Variants in FYCO1 observed in about 807,000 individuals in gnomAD.
FYCO1 encodes FYVE and coiled-coil domain-containing protein 1.
A neutral mutation model predicts 165.1 loss-of-function variants in FYCO1; 122 were observed. The ratio of observed to expected loss-of-function variants is 0.74; its 90% confidence interval spans 0.64 to 0.86. The LOEUF is 0.86. FYCO1 is among the 40% of genes least tolerant of loss of function. The pLI is 0.00. For missense variants in FYCO1, 1,702 were observed against 1,810.3 expected, an observed-to-expected ratio of 0.94 and a Z score of 1.09; for synonymous variants, 648 against 742.5, an observed-to-expected ratio of 0.87 and a Z score of 2.07.
intron 5 of FYCO1, 126 bp downstream of exon 5, chr3:45,975,113 G>A: frequency 1.3e-6 from 1 of 771,082 alleles, no homozygotes; most frequent in East Asian, 2.5e-5. Context: ...GATATATGTG[G>A]AAGGAGTCTG....
Position 45,965,136 on chromosome 3 carries a change from CAAGA to C in FYCO1, c.3058-15_3058-12del, listed in dbSNP as rs752255415. 2 of 1,610,388 alleles carry C rather than the reference CAAGA, an allele frequency of 1.2e-6. No homozygotes were observed. Among genetic ancestry groups the C allele is most frequent in the Admixed American group, 1.7e-5 (1 of 60,018 alleles). On this transcript the variant is annotated splice_polypyrimidine_tract_variant and intron_variant, in intron 8 of 17. Transcript: ENST00000296137. ...CTCTTCACCAGCATTCTAGAGAGGA[CAAGA>C]AAGAAAGAGGACATAAAAGTAGGGT... is the stretch of plus-strand genomic sequence containing the variant.
chr3:45,932,418 A>G (rs1395199405), intron 15 of FYCO1, among the ~76,000 whole-genome samples: 1 of 152,260 alleles, frequency 6.6e-6, no homozygotes, highest in Non-Finnish European at 1.5e-5. Context: ...TGAGGAAGGC[A>G]TGACTGTTGC....
intron 14 of FYCO1, among the ~76,000 whole-genome samples, chr3:45,949,938 T>C (rs1399599823): frequency 6.6e-6 from 1 of 152,128 alleles, no homozygotes; most frequent in Non-Finnish European, 1.5e-5. Context: ...CCCCTTCCCC[T>C]GGATAGGGGA....
chr3:45,918,576 C>T lies in FYCO1; in HGVS notation c.*3189G>A, dbSNP rs1702990111. 1 of 152,088 alleles carries T rather than the reference C, an allele frequency of 6.6e-6. No homozygotes were observed. Among genetic ancestry groups the T allele is most frequent in the African/African-American group, 2.4e-5 (1 of 41,394 alleles). 9.4% of individuals were successfully genotyped at this position (152,088 alleles called of 1,614,324 possible). On this transcript the variant is annotated 3_prime_UTR_variant, in exon 18 of 18. Coordinates refer to ENST00000296137, the MANE Select transcript of FYCO1 (RefSeq NM_024513.4). Reference sequence around the variant, plus strand: ...GAATTCTCATATGTAGAATCATGCGCACTTTTAAAACTGAAACTCCTTTAA... The same window carrying T: ...GAATTCTCATATGTAGAATCATGCGTACTTTTAAAACTGAAACTCCTTTAA...
chr3:45,981,560 C>G lies in FYCO1; in HGVS notation c.162+10G>C. ...AGTGCAAAAATCAACACATTACAGG[C>G]ATCACTTACTTGCAGGAGATACTCA... On this transcript the variant is annotated intron_variant, in intron 3 of 17. Coordinates refer to ENST00000296137, the MANE Select transcript of FYCO1 (RefSeq NM_024513.4). 1 of 1,500,114 alleles carries G rather than the reference C, an allele frequency of 6.7e-7. No individual in the cohort carries two copies. Among genetic ancestry groups the G allele is most frequent in the Non-Finnish European group, 9.3e-7 (1 of 1,075,846 alleles). The allele number at this position is 1,500,114 out of a possible 1,614,324, so 92.9% of individuals were successfully genotyped here. A position where few individuals can be genotyped will look rare whatever the true frequency, so the allele number is the denominator to read the frequency against.
intron 14 of FYCO1, among the ~76,000 whole-genome samples, chr3:45,949,026 A>T (rs1704820652): frequency 6.6e-6 from 1 of 152,178 alleles, no homozygotes; most frequent in Non-Finnish European, 1.5e-5. Flanking sequence ...CACAAAATGG[A>T]AGCCCTCCAT....
intron 14 of FYCO1, among the ~76,000 whole-genome samples, chr3:45,939,994 C>T (rs1187987173): frequency 6.6e-6 from 1 of 152,250 alleles, no homozygotes; most frequent in East Asian, 1.9e-4. Context: ...GAAGGCTCCA[C>T]TGACCAGTGC....
chr3:45,929,737 A>T (rs1471167105), intron 16 of FYCO1, among the ~76,000 whole-genome samples: 2 of 152,190 alleles, frequency 1.3e-5, no homozygotes, highest in Non-Finnish European at 2.9e-5. Flanking sequence ...AGAATATGAG[A>T]TTCCAATAAA....
intron 2 of FYCO1, among the ~76,000 whole-genome samples, chr3:45,982,661 G>A: frequency 6.6e-6 from 1 of 152,162 alleles, no homozygotes; most frequent in Non-Finnish European, 1.5e-5. Flanking sequence ...AAAACTATCT[G>A]CTTCTCTGGC....
intron 4 of FYCO1, among the ~76,000 whole-genome samples, chr3:45,975,879 T>C (rs182792369): frequency 6.6e-6 from 1 of 152,104 alleles, no homozygotes; most frequent in Admixed American, 6.5e-5. Context: ...GGCAGAAACA[T>C]GTGCAGAAGG....
intron 14 of FYCO1, among the ~76,000 whole-genome samples, chr3:45,954,662 T>C (rs1402947475): frequency 6.6e-6 from 1 of 152,202 alleles, no homozygotes; most frequent in Non-Finnish European, 1.5e-5. Context: ...AGACTGTGAC[T>C]GCATTTGGAG....
chr3:45,950,930 T>C (rs955696416), intron 14 of FYCO1, among the ~76,000 whole-genome samples: 1 of 152,204 alleles, frequency 6.6e-6, no homozygotes, highest in Non-Finnish European at 1.5e-5. Context: ...GTTTCTGAGA[T>C]ACCAAACATC....
intron 14 of FYCO1, among the ~76,000 whole-genome samples, chr3:45,953,332 G>A (rs529306737): frequency 2.4e-4 from 36 of 152,270 alleles, no homozygotes; most frequent in Admixed American, 2.0e-3. Flanking sequence ...GTCAAGAAAC[G>A]TCTGGGACCT....
chr3:45,973,133 G>A lies in FYCO1; in HGVS notation c.494C>T (p.Ala165Val). The A allele has an allele frequency of 6.2e-7, 1 of 1,614,182 alleles. No homozygotes were observed. Among genetic ancestry groups the A allele is most frequent in the Non-Finnish European group, 8.5e-7 (1 of 1,180,036 alleles). ...AGCATCCAAGTCAAAGCCCCTCGAC[G>A]CCAGGTCAAACTGAACCTCAGTCAG... ...YELTEVQFDL[A>V]SRGFDLDAAW... The change falls in exon 6 of 18, where the codon GCG (alanine) becomes GTG (valine). Residue 165 changes from alanine (A) to valine (V), a missense_variant. Ala to Val is a moderately conservative substitution (Grantham distance 64). Coordinates refer to ENST00000296137, the MANE Select transcript of FYCO1 (RefSeq NM_024513.4).
Position 45,968,612 on chromosome 3 carries a change from T to G in FYCO1, c.722A>C (p.Gln241Pro), listed in dbSNP as rs1380227339. 8 of 1,613,992 alleles carry G rather than the reference T, an allele frequency of 5.0e-6. No homozygotes were observed. Among genetic ancestry groups the G allele is most frequent in the Non-Finnish European group, 6.8e-6 (8 of 1,180,008 alleles). Residue 241 changes from glutamine (Q) to proline (P), a missense_variant, in exon 8 of 18, where the codon CAG (glutamine) becomes CCG (proline). Physicochemically the swap from Gln to Pro is moderately conservative, Grantham distance 76. Transcript: ENST00000296137. ...GFDEMRLELDQLEVREKQLRE... is the reference protein window; with the variant it reads ...GFDEMRLELDPLEVREKQLRE... The stretch of plus-strand genomic sequence containing the variant: ...TAGCTGCTTCTCCCGCACCTCCAAC[T>G]GGTCCAGCTCTAGTCGCATCTCATC...
intron 14 of FYCO1, chr3:45,947,421 G>T: frequency 4.3e-6 from 7 of 1,614,212 alleles, no homozygotes; most frequent in Non-Finnish European, 5.1e-6. Context: ...TTACCTTGGG[G>T]TCTCACATCA....
intron 3 of FYCO1, 33 bp downstream of exon 3, chr3:45,981,537 T>G: frequency 2.3e-6 from 3 of 1,310,116 alleles, no homozygotes; most frequent in Non-Finnish European, 2.2e-6. Context: ...GAGATACCAG[T>G]GCAAAAATCA....
At chr3:45,946,500 C>T (rs1328784440) in intron 14 of FYCO1, 3 of 1,613,398 alleles carry the variant, frequency 1.9e-6, no homozygotes, top group Non-Finnish European at 2.5e-6. Flanking sequence ...GCATGATTAC[C>T]ATGAAGACTA....
At position 45,995,742 on chromosome 3, in the gene FYCO1, G is replaced by A. The variant is rs1256024294; in HGVS notation, c.-133C>T. ...CTTACGCGCTCGTGGGTCCACCGCC[G>A]GGCAGAACCGAAACTTTCTGGGGCC... On this transcript the variant is annotated 5_prime_UTR_variant, in exon 1 of 18. Transcript: ENST00000296137. 1 of 151,800 alleles carries A rather than the reference G, an allele frequency of 6.6e-6. No individual in the cohort carries two copies. The highest frequency in any genetic ancestry group is 1.5e-5 in the Non-Finnish European group (1 of 68,100). The allele number at this position is 151,800 out of a possible 1,614,324, so 9.4% of individuals were successfully genotyped here. A position where few individuals can be genotyped will look rare whatever the true frequency, so the allele number is the denominator to read the frequency against.
Sources: allele counts gnomAD v4.1 joint callset (sites outside exome capture counted in the v4.1 genomes callset), GRCh38; gene constraint gnomAD v4.1.1; transcripts MANE v1.5; gene names NCBI Gene and HGNC (gene_info 2026-07-23, HGNC 2026-07-21).